The following DAB1 variants were observed in gnomAD, a reference collection of about 807,000 sequenced individuals.
DAB1 encodes DAB adaptor protein 1.
A neutral mutation model predicts 64.6 loss-of-function variants in DAB1; 15 were observed. That is an observed-to-expected ratio of 0.23 (90% confidence interval 0.16 to 0.36). The LOEUF (loss-of-function observed/expected upper bound fraction) is 0.36, where lower values mean the gene tolerates loss of function less well. Ranked by LOEUF, DAB1 falls within the 10% of genes least tolerant of loss-of-function variation. DAB1 has a pLI of 1.00. For missense variants in DAB1, 596 were observed against 706.7 expected (o/e 0.84, Z 1.78); for synonymous variants, 235 against 251.9 (o/e 0.93, Z 0.64).
intron 5 of DAB1, among the ~76,000 whole-genome samples, chr1:58,111,151 C>T (rs1424562859): frequency 6.6e-6 from 1 of 152,180 alleles, no homozygotes; most frequent in African/African-American, 2.4e-5. Flanking sequence ...AGATGGCACC[C>T]TAGCGTAGGA....
At chr1:57,749,492 G>A (rs1390115135) in intron 6 of DAB1, among the ~76,000 whole-genome samples, 2 of 152,142 alleles carry the variant, frequency 1.3e-5, no homozygotes, top group Non-Finnish European at 2.9e-5. Context: ...GGAAGCCTTG[G>A]CAACACCAGG....
At chr1:57,331,930 T>C (rs1037829383) in intron 1 of DAB1, among the ~76,000 whole-genome samples, 16 of 152,202 alleles carry the variant, frequency 1.1e-4, no homozygotes, top group African/African-American at 3.4e-4. Context: ...TTATCAGCAC[T>C]AGCTTGCTCT....
intron 4 of DAB1, among the ~76,000 whole-genome samples, chr1:58,340,363 C>T (rs183233711): frequency 3.9e-5 from 6 of 152,272 alleles, no homozygotes; most frequent in Non-Finnish European, 7.3e-5. Context: ...CCCTCATGAG[C>T]CGGGCCCCTT....
intron 1 of DAB1, among the ~76,000 whole-genome samples, chr1:57,294,166 C>A (rs1234681849): frequency 6.6e-6 from 1 of 152,194 alleles, no homozygotes; most frequent in Non-Finnish European, 1.5e-5. Context: ...AACCATGTGA[C>A]AACTCAAATC....
At chr1:57,918,783 G>A (rs1050484938) in intron 5 of DAB1, among the ~76,000 whole-genome samples, 5 of 151,602 alleles carry the variant, frequency 3.3e-5, no homozygotes, top group Non-Finnish European at 7.4e-5. Flanking sequence ...GAGATCATGC[G>A]ACTGCACTCC....
At chr1:58,254,855 G>A (rs1178568452) in intron 4 of DAB1, among the ~76,000 whole-genome samples, 1 of 83,192 alleles carries the variant, frequency 1.2e-5, no homozygotes, top group Non-Finnish European at 2.1e-5. Flanking sequence ...ATAAACATAC[G>A]TCTTTATAGC....
At chr1:58,269,304 G>A (rs1163870943) in intron 4 of DAB1, among the ~76,000 whole-genome samples, 4 of 151,662 alleles carry the variant, frequency 2.6e-5, no homozygotes, top group African/African-American at 9.7e-5. Context: ...TGAGAATGAT[G>A]ACTTCCAATT....
chr1:57,120,235 A>T (rs1412185868), intron 4 of DAB1, among the ~76,000 whole-genome samples: 4 of 152,190 alleles, frequency 2.6e-5, no homozygotes, highest in Non-Finnish European at 5.9e-5. Flanking sequence ...TATCTGTAAA[A>T]TAAGAAATAT....
At chr1:58,375,436 A>T (rs1644314136) in intron 3 of DAB1, among the ~76,000 whole-genome samples, 1 of 135,184 alleles carries the variant, frequency 7.4e-6, no homozygotes, top group Non-Finnish European at 1.6e-5. Flanking sequence ...CTATTGAGAT[A>T]ATCATGTGGT....
intron 1 of DAB1, among the ~76,000 whole-genome samples, chr1:57,302,558 T>A (rs185441675): frequency 1.0e-3 from 152 of 152,300 alleles, no homozygotes; most frequent in African/African-American, 3.5e-3. Flanking sequence ...ATCCCTGGAT[T>A]CTTATTTAAT....
At chr1:57,606,722 T>C (rs1645656643) in intron 7 of DAB1, among the ~76,000 whole-genome samples, 1 of 134,890 alleles carries the variant, frequency 7.4e-6, no homozygotes, top group African/African-American at 2.8e-5. Context: ...GTATGAAATA[T>C]ATTTATATGA....
intron 3 of DAB1, among the ~76,000 whole-genome samples, chr1:58,424,822 C>T (rs1644805674): frequency 6.6e-6 from 1 of 151,900 alleles, no homozygotes; most frequent in Non-Finnish European, 1.5e-5. Flanking sequence ...AAACATTAAG[C>T]ATGAGGGAGA....
At chr1:57,441,190 A>G (rs1199559323) in intron 7 of DAB1, among the ~76,000 whole-genome samples, 1 of 152,234 alleles carries the variant, frequency 6.6e-6, no homozygotes, top group African/African-American at 2.4e-5. Context: ...TGTGACTGCA[A>G]AGGACACAAT....
At chr1:57,555,633 C>A (rs911767631) in intron 7 of DAB1, among the ~76,000 whole-genome samples, 1 of 152,114 alleles carries the variant, frequency 6.6e-6, no homozygotes, top group Non-Finnish European at 1.5e-5. Context: ...AAAGGAAAAG[C>A]CATGGCTCTT....
rs534159209 is a variant in DAB1 at position 57,501,362 on chromosome 1, A to G, written n.625+148230T>C. Among the ~76,000 whole-genome samples, 5 of 152,354 alleles carry G rather than the reference A, an allele frequency of 3.3e-5. No homozygotes were observed. The East Asian group carries it at 9.7e-4, about 29-fold the overall frequency. ...TGAATGCGGCCATCTTGGACCTTTC[A>G]GCTCAGCTGAGCCTCCAGCTGAAAG... is the stretch of plus-strand genomic sequence containing the variant. On this transcript the variant is annotated intron_variant and non_coding_transcript_variant, in intron 7 of 20. Coordinates refer to the DAB1 transcript ENST00000485760.
intron 4 of DAB1, among the ~76,000 whole-genome samples, chr1:58,196,341 G>C (rs549772950): frequency 1.6e-4 from 24 of 152,300 alleles, no homozygotes; most frequent in Admixed American, 7.2e-4. Flanking sequence ...GATCAAGAAG[G>C]CTTCTGCCTG....
At chr1:57,142,069 C>A (rs1187241466) in intron 3 of DAB1, among the ~76,000 whole-genome samples, 1 of 152,034 alleles carries the variant, frequency 6.6e-6, no homozygotes, top group Non-Finnish European at 1.5e-5. Context: ...TGTGAAAATG[C>A]TTTATGGATT....
At chr1:58,350,865 T>C (rs549400868) in intron 3 of DAB1, among the ~76,000 whole-genome samples, 4 of 152,324 alleles carry the variant, frequency 2.6e-5, no homozygotes, top group African/African-American at 7.2e-5. Flanking sequence ...TATAGTCTTG[T>C]AGTATAGTTT....
At chr1:58,108,051 C>T (rs1651765551) in intron 5 of DAB1, among the ~76,000 whole-genome samples, 1 of 152,178 alleles carries the variant, frequency 6.6e-6, no homozygotes, top group Non-Finnish European at 1.5e-5. Context: ...GAGAAAGTTG[C>T]TGTGAGAGAG....
Sources: allele counts gnomAD v4.1 joint callset (sites outside exome capture counted in the v4.1 genomes callset), GRCh38; gene constraint gnomAD v4.1.1; transcripts MANE v1.5; gene names NCBI Gene and HGNC (gene_info 2026-07-23, HGNC 2026-07-21).